TMEM244: variants seen among roughly 807,000 people sequenced by gnomAD.
The protein encoded by TMEM244 is transmembrane protein 244.
TMEM244 carries 13 observed loss-of-function variants against 15.8 expected under a neutral mutation model. That is an observed-to-expected ratio of 0.82 (90% confidence interval 0.53 to 1.30). The LOEUF (loss-of-function observed/expected upper bound fraction) is 1.30. Among genes scored for constraint, TMEM244 ranks in the 50% most tolerant of loss-of-function variants. The pLI is 0.00. For synonymous variants in TMEM244, 45 were observed against 48.7 expected, an observed-to-expected ratio of 0.92 and a Z score of 0.32; for missense variants, 161 against 144.9, an observed-to-expected ratio of 1.11 and a Z score of -0.57.
At chr6:129,834,007 G>A (rs991619118) in intron 3 of TMEM244, among the ~76,000 whole-genome samples, 3 of 152,128 alleles carry the variant, frequency 2.0e-5, no homozygotes, top group African/African-American at 7.2e-5. Flanking sequence ...GAACTACAAC[G>A]TTTGTCTGAT....
chr6:129,833,605 T>C lies in TMEM244; in HGVS notation c.194-20A>G. ...AAAGAACTGCAAATACAAGGAAGAATATAATTATTGAGGACTAGAGCAATG... is the reference window on the plus strand; with the variant it reads ...AAAGAACTGCAAATACAAGGAAGAACATAATTATTGAGGACTAGAGCAATG... On this transcript the variant is annotated intron_variant, in intron 3 of 4. Coordinates refer to ENST00000368143, the MANE Select transcript of TMEM244 (RefSeq NM_001010876.2). The C allele has an allele frequency of 6.2e-7, 1 of 1,607,694 alleles. No individual in the cohort carries two copies. Among genetic ancestry groups the C allele is most frequent in the Admixed American group, 1.7e-5 (1 of 59,394 alleles).
chr6:129,846,967 C>T (rs1245216105), intron 1 of TMEM244, among the ~76,000 whole-genome samples: 5 of 152,140 alleles, frequency 3.3e-5, no homozygotes, highest in Admixed American at 6.5e-5. Context: ...CATTAGATTC[C>T]AGTCTTGTAC....
At chr6:129,847,775 CTT>C (rs34238013) in intron 1 of TMEM244, among the ~76,000 whole-genome samples, 19,999 of 137,278 alleles carry the variant, frequency 0.15, 1,431 homozygotes, top group South Asian at 0.23. Context: ...TTTCTTTTTT[CTT>C]TTTTTTTTTT....
At chr6:129,834,480 A>G (rs1198626116) in intron 3 of TMEM244, among the ~76,000 whole-genome samples, 1 of 65,806 alleles carries the variant, frequency 1.5e-5, no homozygotes, top group Non-Finnish European at 4.3e-5. Flanking sequence ...AAATAAATCT[A>G]AGCAAACTCT....
chr6:129,835,422 GT>G (rs1244833000), intron 3 of TMEM244, among the ~76,000 whole-genome samples: 1 of 151,042 alleles, frequency 6.6e-6, no homozygotes, highest in Non-Finnish European at 1.5e-5. Flanking sequence ...AAAAAAAAGA[GT>G]TATGGAGTCA....
intron 1 of TMEM244, among the ~76,000 whole-genome samples, chr6:129,859,943 T>A (rs974928191): frequency 6.6e-6 from 1 of 152,212 alleles, no homozygotes; most frequent in African/African-American, 2.4e-5. Flanking sequence ...TCATAACTTA[T>A]AGGGATGTAT....
At chr6:129,845,911 A>T (rs1484111756) in intron 1 of TMEM244, 59 bp from the exon 2 acceptor site, 26 of 1,139,626 alleles carry the variant, frequency 2.3e-5, no homozygotes, top group Non-Finnish European at 3.0e-5. Context: ...GGTCTTTGGT[A>T]ACTATTTTGA....
chr6:129,848,716 G>T (rs982789819), intron 1 of TMEM244, among the ~76,000 whole-genome samples: 1 of 152,178 alleles, frequency 6.6e-6, no homozygotes, highest in Non-Finnish European at 1.5e-5. Context: ...ATGTAATAGG[G>T]AGCATCTTGG....
chr6:129,842,697 G>A (rs1468758619), intron 3 of TMEM244, among the ~76,000 whole-genome samples: 1 of 151,748 alleles, frequency 6.6e-6, no homozygotes, highest in Non-Finnish European at 1.5e-5. Context: ...ATGTAAGTAT[G>A]CGATTTATTT....
intron 4 of TMEM244, among the ~76,000 whole-genome samples, chr6:129,832,774 G>A (rs1045758034): frequency 6.6e-6 from 1 of 152,114 alleles, no homozygotes; most frequent in Admixed American, 6.6e-5. Context: ...GGTAGGACTG[G>A]AATTTGTATC....
rs370816320 is a variant in TMEM244 at position 129,859,278 on chromosome 6, A to G, written c.33+1878T>C. 1.0e-3 allele frequency among the ~76,000 whole-genome samples: 157 copies of G among 152,338 alleles called. 4 individuals carry two copies. Among genetic ancestry groups the G allele is most frequent in the African/African-American group, 3.5e-3 (144 of 41,590 alleles). The stretch of plus-strand genomic sequence containing the variant: ...AACATGTATACAATTCTTAACATTA[A>G]GTACTGTATGTTCCCAATAGATAAT... On this transcript the variant is annotated intron_variant, in intron 1 of 4. Transcript: ENST00000368143.
chr6:129,841,098 C>G (rs1176212117), intron 3 of TMEM244, among the ~76,000 whole-genome samples: 1 of 152,176 alleles, frequency 6.6e-6, no homozygotes, highest in Non-Finnish European at 1.5e-5. Context: ...AATTATAAAT[C>G]TTTCTATGAT....
chr6:129,853,631 C>A (rs1373827487), intron 1 of TMEM244, among the ~76,000 whole-genome samples: 1 of 151,934 alleles, frequency 6.6e-6, no homozygotes, highest in African/African-American at 2.4e-5. Flanking sequence ...ATTTTGATAC[C>A]AGCCTTCCTT....
intron 1 of TMEM244, among the ~76,000 whole-genome samples, chr6:129,857,931 G>A (rs188373240): frequency 6.6e-6 from 1 of 151,606 alleles, no homozygotes; most frequent in African/African-American, 2.4e-5. Flanking sequence ...GTTCAGGAAC[G>A]GTTGCCAATT....
At position 129,855,471 on chromosome 6, in the gene TMEM244, C is replaced by A. The variant is rs185033332; in HGVS notation, c.33+5685G>T. On this transcript the variant is annotated intron_variant, in intron 1 of 4. Coordinates refer to ENST00000368143, the MANE Select transcript of TMEM244 (RefSeq NM_001010876.2). The stretch of plus-strand genomic sequence containing the variant: ...TTCCCCAAATTCTCACAGGCAGGAA[C>A]AACGACATTCTCCTATAATTCAAAA... 3.9e-5 allele frequency among the ~76,000 whole-genome samples: 6 copies of A among 152,260 alleles called. No homozygotes were observed. In the East Asian group the frequency reaches 1.2e-3, roughly 29 times the overall value.
chr6:129,833,349 C>G, intron 4 of TMEM244, 111 bp downstream of exon 4: 1 of 1,203,498 alleles, frequency 8.3e-7, no homozygotes, highest in Non-Finnish European at 1.1e-6. Flanking sequence ...TTTTTATCAT[C>G]TAGCTATCAT....
chr6:129,856,173 CAA>C (rs1776702327), intron 1 of TMEM244, among the ~76,000 whole-genome samples: 3 of 151,952 alleles, frequency 2.0e-5, no homozygotes, highest in Non-Finnish European at 4.4e-5. Flanking sequence ...CAAATTATCC[CAA>C]GTTTGACCAA....
intron 3 of TMEM244, among the ~76,000 whole-genome samples, chr6:129,836,033 C>T (rs1232834037): frequency 3.9e-5 from 6 of 152,264 alleles, no homozygotes; most frequent in South Asian, 2.1e-4. Context: ...TTAAACGTCC[C>T]GTCTGACAGC....
chr6:129,853,476 A>C (rs1776662338), intron 1 of TMEM244, among the ~76,000 whole-genome samples: 1 of 151,298 alleles, frequency 6.6e-6, no homozygotes, highest in East Asian at 1.9e-4. Flanking sequence ...TTTTTTTTAC[A>C]CTCCTATTCT....
Sources: allele counts gnomAD v4.1 joint callset (sites outside exome capture counted in the v4.1 genomes callset), GRCh38; gene constraint gnomAD v4.1.1; transcripts MANE v1.5; gene names NCBI Gene and HGNC (gene_info 2026-07-23, HGNC 2026-07-21).